SDK1: variants seen among roughly 807,000 people sequenced by gnomAD.
SDK1 encodes protein sidekick-1.
SDK1 carries 157 observed loss-of-function variants against 245.5 expected under a neutral mutation model. The observed-to-expected ratio is 0.64, with a 90% confidence interval of 0.56 to 0.73. The LOEUF is 0.73. Ranked by LOEUF, SDK1 falls within the 30% of genes least tolerant of loss-of-function variation. SDK1 has a pLI of 0.00. For missense variants in SDK1, 3,583 were observed against 3,002.3 expected, an observed-to-expected ratio of 1.19 and a Z score of -4.52; for synonymous variants, 1,647 against 1,278.5, an observed-to-expected ratio of 1.29 and a Z score of -6.15.
intron 4 of SDK1, among the ~76,000 whole-genome samples, chr7:3,728,900 C>CCAA (rs1371175184): frequency 6.6e-6 from 1 of 151,956 alleles, no homozygotes; most frequent in Non-Finnish European, 1.5e-5. Flanking sequence ...CCGCACTGGA[C>CCAA]CAACAGTGGC....
intron 1 of SDK1, among the ~76,000 whole-genome samples, chr7:3,572,445 C>G (rs1026901205): frequency 6.6e-6 from 1 of 151,960 alleles, no homozygotes. Flanking sequence ...GTAGGCATCA[C>G]TTCTGACTGG....
rs887922616 is a variant in SDK1, at chr7:4,266,518, C to T, written c.*1134C>T. ...CTCCACCACTGGCGCTGCTGCTGCCCCCTCTCCCAGTCCGAGGCCAGCTTT... is the reference window on the plus strand; with the variant it reads ...CTCCACCACTGGCGCTGCTGCTGCCTCCTCTCCCAGTCCGAGGCCAGCTTT... On this transcript the variant is annotated 3_prime_UTR_variant, in exon 45 of 45. Transcript: ENST00000404826. The T allele has an allele frequency of 4.1e-6, 4 of 985,410 alleles. No individual in the cohort carries two copies. Among genetic ancestry groups the T allele is most frequent in the Non-Finnish European group, 4.8e-6 (4 of 829,928 alleles). The allele number at this position is 985,410 out of a possible 1,614,324, so 61.0% of individuals were successfully genotyped here.
At chr7:3,449,095 T>G (rs916493406) in intron 1 of SDK1, among the ~76,000 whole-genome samples, 2 of 152,206 alleles carry the variant, frequency 1.3e-5, no homozygotes, top group African/African-American at 4.8e-5. Flanking sequence ...CTCTTTGCTT[T>G]TCACATACAG....
At chr7:3,527,304 C>T (rs1783171684) in intron 1 of SDK1, among the ~76,000 whole-genome samples, 1 of 152,144 alleles carries the variant, frequency 6.6e-6, no homozygotes. Context: ...AAGAAAGACA[C>T]TTGATAGAGC....
At chr7:3,568,068 A>G (rs1779984601) in intron 1 of SDK1, among the ~76,000 whole-genome samples, 1 of 151,940 alleles carries the variant, frequency 6.6e-6, no homozygotes, top group East Asian at 1.9e-4. Context: ...CAATCCTCCC[A>G]CCTTAGCCTC....
At chr7:3,831,791 A>G (rs1210303155) in intron 5 of SDK1, among the ~76,000 whole-genome samples, 1 of 152,162 alleles carries the variant, frequency 6.6e-6, no homozygotes, top group Non-Finnish European at 1.5e-5. Flanking sequence ...ATGTTGACTC[A>G]TGCCCAGTGC....
chr7:3,694,586 A>G (rs759211837), intron 4 of SDK1, among the ~76,000 whole-genome samples: 1,805 of 138,504 alleles, frequency 0.013, 14 homozygotes, highest in East Asian at 0.029. Context: ...GTGGGGGGGG[A>G]AAAGCATATG....
At chr7:3,809,319 T>A (rs1483230269) in intron 4 of SDK1, among the ~76,000 whole-genome samples, 1 of 152,076 alleles carries the variant, frequency 6.6e-6, no homozygotes, top group African/African-American at 2.4e-5. Flanking sequence ...AAATCCACCC[T>A]CAAGACTCTG....
At chr7:3,521,007 G>A (rs1441677004) in intron 1 of SDK1, among the ~76,000 whole-genome samples, 1 of 152,148 alleles carries the variant, frequency 6.6e-6, no homozygotes, top group Non-Finnish European at 1.5e-5. Flanking sequence ...TGCTGGTAGG[G>A]CTGTCTATGT....
chr7:3,486,080 C>T (rs1302579468), intron 1 of SDK1, among the ~76,000 whole-genome samples: 1 of 151,786 alleles, frequency 6.6e-6, no homozygotes, highest in Admixed American at 6.6e-5. Context: ...ATGCTTAGTG[C>T]TTTTTTCCCC....
chr7:3,391,543 A>G (rs1781753086), intron 1 of SDK1, among the ~76,000 whole-genome samples: 1 of 151,998 alleles, frequency 6.6e-6, no homozygotes, highest in Admixed American at 6.6e-5. Context: ...TACCCAAAAT[A>G]TGTTTAAAAA....
chr7:4,245,703 C>T lies in SDK1; in HGVS notation c.6279C>T (p.Gly2093=), dbSNP rs754896749. The stretch of plus-strand genomic sequence containing the variant: ...CCCCACCCCGGCCTAGCCCCGGCGG[C>T]CTGCACTACTCAGACGAGGACATCT... The part of the protein sequence containing the change: ...TRSPPRPSPG[G]LHYSDEDICN... The change falls in exon 44 of 45, where the codon GGC becomes GGT. Residue 2093 remains glycine, a synonymous_variant. Coordinates refer to ENST00000404826, the MANE Select transcript of SDK1 (RefSeq NM_152744.4). 1.5e-5 allele frequency: 25 copies of T among 1,614,100 alleles called. No homozygotes were observed. In the East Asian group the frequency reaches 4.7e-4, roughly 30 times the overall value.
chr7:4,186,076 G>C (rs1782880132), intron 35 of SDK1, among the ~76,000 whole-genome samples: 1 of 152,206 alleles, frequency 6.6e-6, no homozygotes, highest in African/African-American at 2.4e-5. Context: ...TCCTTTCCCA[G>C]GAGCTCTAAA....
At chr7:4,057,412 C>G (rs991764040) in intron 19 of SDK1, among the ~76,000 whole-genome samples, 1 of 152,204 alleles carries the variant, frequency 6.6e-6, no homozygotes, top group Non-Finnish European at 1.5e-5. Context: ...TTCCTACACA[C>G]CACCCCTGGG....
chr7:3,436,777 C>G (rs1332075162), intron 1 of SDK1, among the ~76,000 whole-genome samples: 1 of 152,022 alleles, frequency 6.6e-6, no homozygotes, highest in East Asian at 1.9e-4. Context: ...ACTGTCTTCC[C>G]CTTTCCCTGA....
intron 22 of SDK1, among the ~76,000 whole-genome samples, chr7:4,090,759 C>T (rs550939799): frequency 7.2e-5 from 11 of 152,272 alleles, no homozygotes; most frequent in Non-Finnish European, 1.3e-4. Flanking sequence ...GCTACTGGGG[C>T]ATCACTGCTC....
At position 3,915,667 on chromosome 7, in the gene SDK1, C is replaced by A. The variant is rs534230740; in HGVS notation, c.848-35256C>A. On this transcript the variant is annotated intron_variant, in intron 5 of 44. Transcript: ENST00000404826. Reference sequence around the variant, plus strand: ...GTCATGGGTGTGTCTTTATTAGCAGCGTGAGAATGAGCTAATACATACACT... The same window carrying A: ...GTCATGGGTGTGTCTTTATTAGCAGAGTGAGAATGAGCTAATACATACACT... Among the ~76,000 whole-genome samples the A allele has an allele frequency of 2.6e-5, 4 of 152,056 alleles. No individual in the cohort carries two copies. In the South Asian group the frequency reaches 8.3e-4, roughly 32 times the overall value.
At chr7:3,766,997 A>T (rs1019457919) in intron 4 of SDK1, among the ~76,000 whole-genome samples, 6 of 152,240 alleles carry the variant, frequency 3.9e-5, no homozygotes, top group South Asian at 2.1e-4. Flanking sequence ...TTTGGAAATT[A>T]GGAGCATATT....
intron 40 of SDK1, among the ~76,000 whole-genome samples, chr7:4,222,783 G>C (rs1584479954): frequency 6.6e-6 from 1 of 152,170 alleles, no homozygotes; most frequent in East Asian, 1.9e-4. Context: ...TAAAGGATGT[G>C]AGTTTGGCAG....
Sources: allele counts gnomAD v4.1 joint callset (sites outside exome capture counted in the v4.1 genomes callset), GRCh38; gene constraint gnomAD v4.1.1; transcripts MANE v1.5; gene names NCBI Gene and HGNC (gene_info 2026-07-23, HGNC 2026-07-21).